The following CPOX variants were observed in gnomAD, a reference collection of about 807,000 sequenced individuals.
The protein encoded by CPOX is coproporphyrinogen oxidase.
CPOX carries 24 observed loss-of-function variants against 48.9 expected under a neutral mutation model. That is an observed-to-expected ratio of 0.49 (90% confidence interval 0.36 to 0.69). The LOEUF is 0.69. Among genes scored for constraint, CPOX ranks in the 30% least tolerant of loss-of-function variants. CPOX has a pLI of 0.00. For synonymous variants in CPOX, 249 were observed against 234.6 expected (o/e 1.06, Z -0.56); for missense variants, 549 against 597.3 (o/e 0.92, Z 0.84).
At chr3:98,570,895 C>G in the CPOX span, among the ~76,000 whole-genome samples, 2 of 152,152 alleles carry the variant, frequency 1.3e-5, no homozygotes, top group African/African-American at 2.4e-5. Context: ...TTATGTGTAT[C>G]TTTAAATAGC....
At chr3:98,577,439 G>C (rs540596505), downstream of CPOX, among the ~76,000 whole-genome samples, 4 of 152,158 alleles carry the variant, frequency 2.6e-5, no homozygotes, top group Admixed American at 2.6e-4. Context: ...GACTAAAGTA[G>C]GGTGGTGGCA....
At chr3:98,581,003 C>G (rs1707248672) in intron 6 of CPOX, among the ~76,000 whole-genome samples, 1 of 152,006 alleles carries the variant, frequency 6.6e-6, no homozygotes, top group Non-Finnish European at 1.5e-5. Context: ...TATTAATATC[C>G]CAGAGCCAAA....
In CPOX at chr3:98,580,613, G is replaced by A; in HGVS notation, c.*70C>T. On this transcript the variant is annotated 3_prime_UTR_variant, in exon 7 of 7. Transcript: ENST00000647941. Reference sequence around the variant, plus strand: ...CGGGTAACTGCCACACAGTGGCAAAGTGCCGACCAGTGGCATGGGGAGCAC... The same window carrying A: ...CGGGTAACTGCCACACAGTGGCAAAATGCCGACCAGTGGCATGGGGAGCAC... 1 of 1,610,304 alleles carries A rather than the reference G, an allele frequency of 6.2e-7. No homozygotes were observed. The highest frequency in any genetic ancestry group is 1.7e-5 in the Admixed American group (1 of 59,632).
the CPOX span, among the ~76,000 whole-genome samples, chr3:98,573,853 G>A: frequency 6.6e-6 from 1 of 152,132 alleles, no homozygotes; most frequent in South Asian, 2.1e-4. Context: ...TGTAATATTT[G>A]AGCCTTTATT....
intron 1 of CPOX, 111 bp downstream of exon 1, chr3:98,592,838 A>C (rs1422787815): frequency 1.7e-6 from 2 of 1,196,260 alleles, no homozygotes; most frequent in African/African-American, 1.5e-5. Flanking sequence ...CTCTGTGGGT[A>C]CCCCCTACCT....
intron 4 of CPOX, 98 bp from the exon 5 acceptor site, chr3:98,585,757 A>G (rs1441125838): frequency 3.3e-6 from 3 of 911,432 alleles, no homozygotes; most frequent in East Asian, 2.5e-5. Flanking sequence ...TCCTCAACTA[A>G]TGTCAGGATG....
the CPOX span, among the ~76,000 whole-genome samples, chr3:98,573,185 C>T: frequency 6.6e-6 from 1 of 152,188 alleles, no homozygotes; most frequent in African/African-American, 2.4e-5. Flanking sequence ...AGGCAACTCG[C>T]AGTTCAGAGA....
intron 4 of CPOX, among the ~76,000 whole-genome samples, chr3:98,586,711 G>A (rs1469469776): frequency 2.6e-5 from 4 of 152,174 alleles, no homozygotes; most frequent in South Asian, 2.1e-4. Flanking sequence ...TTGGGAGGCC[G>A]AGGCAGGCGG....
At chr3:98,575,988 CT>C (rs1309798564), downstream of CPOX, among the ~76,000 whole-genome samples, 1 of 141,148 alleles carries the variant, frequency 7.1e-6, no homozygotes, top group Non-Finnish European at 1.5e-5. Flanking sequence ...AAGAGAATGG[CT>C]TGAACCCAGG....
intron 3 of CPOX, 54 bp from the exon 4 acceptor site, chr3:98,588,908 T>C (rs1240969625): frequency 1.3e-6 from 2 of 1,597,142 alleles, no homozygotes; most frequent in Admixed American, 1.7e-5. Context: ...TCAGCATTAC[T>C]GGCTATATTA....
At chr3:98,585,806 G>C in intron 4 of CPOX, 147 bp from the exon 5 acceptor site, 1 of 727,638 alleles carries the variant, frequency 1.4e-6, no homozygotes, top group Non-Finnish European at 2.5e-6. Context: ...AATGAAATGA[G>C]GACTTTAGAC....
Position 98,585,615 on chromosome 3 carries a change from C to T in CPOX, c.998G>A (p.Gly333Asp). 1 of 1,614,054 alleles carries T rather than the reference C, an allele frequency of 6.2e-7. No homozygotes were observed. Among genetic ancestry groups the T allele is most frequent in the Non-Finnish European group, 8.5e-7 (1 of 1,180,004 alleles). The change falls in exon 5 of 7, where the codon GGC (glycine) becomes GAC (aspartate). Residue 333 changes from glycine to aspartate, a missense_variant. Physicochemically the swap from Gly to Asp is moderately conservative, Grantham distance 94. Around this residue, in one of 2 missense-constraint regions of CPOX, gnomAD observed 213 missense variants for 279.1 expected, o/e 0.76. Transcript: ENST00000647941. ...FFIAHRGERR[G>D]IGGIFFDDLD... ...ATCATCAAAAAAGATACCACCAATG[C>T]CCCGCCGTTCTCCACGATGGGCTAT...
chr3:98,591,039 T>G lies in CPOX; in HGVS notation c.673A>C (p.Arg225=). The change falls in exon 2 of 7, where the codon AGA becomes CGA. Residue 225 remains arginine (R), a synonymous_variant. Coordinates refer to ENST00000647941, the MANE Select transcript of CPOX (RefSeq NM_000097.7). ...SEEAAKQMRS[R]GKVLKTKDGK... ...TCTTTAGTCTTCAGAACTTTTCCTC[T>G]GCTTCTCATTTGTTTTGCAGCTTCC... 4 of 1,614,220 alleles carry G rather than the reference T, an allele frequency of 2.5e-6. No homozygotes were observed. Among genetic ancestry groups the G allele is most frequent in the Non-Finnish European group, 3.4e-6 (4 of 1,180,030 alleles).
At chr3:98,586,562 A>G (rs535120511) in intron 4 of CPOX, among the ~76,000 whole-genome samples, 2 of 152,344 alleles carry the variant, frequency 1.3e-5, no homozygotes, top group African/African-American at 2.4e-5. Flanking sequence ...CAGACATATG[A>G]AAGTTTACCC....
chr3:98,591,322 T>C (rs760260164), intron 1 of CPOX, among the ~76,000 whole-genome samples, 167 bp from the exon 2 acceptor site: 4 of 152,246 alleles, frequency 2.6e-5, no homozygotes, highest in Non-Finnish European at 4.4e-5. Flanking sequence ...TTATGACATA[T>C]GCTATTAATA....
intron 4 of CPOX, 28 bp downstream of exon 4, chr3:98,588,685 G>A: frequency 6.2e-7 from 1 of 1,613,422 alleles, no homozygotes. Flanking sequence ...TAATTTTGGG[G>A]TCATGAAAGT....
rs1707210007 is a variant in CPOX, at chr3:98,579,450, T to C, written c.*1233A>G. 1.4e-6 allele frequency: 1 copy of C among 725,412 alleles called. No homozygotes were observed. The highest frequency in any genetic ancestry group is 1.7e-6 in the Non-Finnish European group (1 of 593,420). The allele number at this position is 725,412 out of a possible 1,614,324, so 44.9% of individuals were successfully genotyped here. A position where few individuals can be genotyped will look rare whatever the true frequency, so the allele number is the denominator to read the frequency against. Reference sequence around the variant, plus strand: ...AACAAAAAATATAAATATTTCTTAGTCTTATTTAATAATAAAATTTATTAG... The same window carrying C: ...AACAAAAAATATAAATATTTCTTAGCCTTATTTAATAATAAAATTTATTAG... On this transcript the variant is annotated 3_prime_UTR_variant, in exon 7 of 7. Transcript: ENST00000647941.
chr3:98,583,170 C>A (rs1042393283), intron 5 of CPOX, among the ~76,000 whole-genome samples: 2 of 152,114 alleles, frequency 1.3e-5, no homozygotes, highest in African/African-American at 4.8e-5. Context: ...TCCTTTATTG[C>A]GTGAAGGATG....
At chr3:98,585,308 A>T (rs1347745219) in intron 5 of CPOX, 133 bp downstream of exon 5, 1 of 784,720 alleles carries the variant, frequency 1.3e-6, no homozygotes, top group East Asian at 2.4e-5. Context: ...CTTTTAATTC[A>T]CTTAATATTC....
Sources: allele counts gnomAD v4.1 joint callset (sites outside exome capture counted in the v4.1 genomes callset), GRCh38; gene constraint gnomAD v4.1.1; regional missense constraint gnomAD v4.1.1; transcripts MANE v1.5; gene names NCBI Gene and HGNC (gene_info 2026-07-23, HGNC 2026-07-21).